The following FRZB variants were observed in gnomAD, a reference collection of about 807,000 sequenced individuals.
The protein encoded by FRZB is secreted frizzled-related protein 3.
FRZB carries 34 observed loss-of-function variants against 32.5 expected under a neutral mutation model. The ratio of observed to expected loss-of-function variants is 1.05; its 90% CI spans 0.80 to 1.39. The LOEUF is 1.39. FRZB is among the 40% of genes most tolerant of loss of function. The pLI, the probability that FRZB is intolerant of heterozygous loss-of-function variation, is 0.00. For missense variants in FRZB, 423 were observed against 424.8 expected, an observed-to-expected ratio of 1.00 and a Z score of 0.04; for synonymous variants, 170 against 159.2, an observed-to-expected ratio of 1.07 and a Z score of -0.51.
At chr2:182,843,726 G>A (rs1466275482) in intron 2 of FRZB, among the ~76,000 whole-genome samples, 2 of 152,184 alleles carry the variant, frequency 1.3e-5, no homozygotes, top group East Asian at 1.9e-4. Context: ...TAGCCCAGGA[G>A]TTCAAGACCA....
chr2:182,851,472 A>G (rs1695709472), intron 2 of FRZB, among the ~76,000 whole-genome samples: 1 of 152,216 alleles, frequency 6.6e-6, no homozygotes, highest in South Asian at 2.1e-4. Context: ...CCTGGCCAAC[A>G]TGGTGAAACC....
intron 1 of FRZB, among the ~76,000 whole-genome samples, chr2:182,860,527 A>G (rs1383322167): frequency 6.6e-6 from 1 of 152,054 alleles, no homozygotes; most frequent in East Asian, 1.9e-4. Context: ...ACCAAACAGC[A>G]TGTGATACCT....
In FRZB at chr2:182,838,550, A is replaced by C. The variant is rs1574982034; in HGVS notation, c.656T>G (p.Val219Gly). 1 of 1,612,814 alleles carries C rather than the reference A, an allele frequency of 6.2e-7. No individual in the cohort carries two copies. The highest frequency in any genetic ancestry group is 8.5e-7 in the Non-Finnish European group (1 of 1,179,194). The change falls in exon 4 of 6, where the codon GTG (valine) becomes GGG (glycine). Residue 219 changes from valine to glycine, a missense_variant. Val to Gly is a moderately radical substitution (Grantham distance 109, BLOSUM62 -3). Transcript: ENST00000295113. ...KCHDVTAVVE[V>G]KEILKSSLVN... ...CAGAGAGGACTTTAGAATCTCCTTC[A>C]CCTCCACTACTGCAGTCACATCATG...
rs1250799433 is a variant in FRZB at position 182,833,938 on chromosome 2, G to A, written c.*911C>T. ...TGTACTTTTAAAAACTAACCCTGGT[G>A]CACGTGCATACATAATCTTTTCCTG... On this transcript the variant is annotated 3_prime_UTR_variant, in exon 6 of 6. Transcript: ENST00000295113. 1 of 152,008 alleles carries A rather than the reference G, an allele frequency of 6.6e-6. No individual in the cohort carries two copies. The highest frequency in any genetic ancestry group is 6.6e-5 in the Admixed American group (1 of 15,252). The allele number at this position is 152,008 out of a possible 1,614,324, so 9.4% of individuals were successfully genotyped here.
intron 2 of FRZB, among the ~76,000 whole-genome samples, chr2:182,849,990 A>T (rs1273681273): frequency 6.6e-6 from 1 of 152,218 alleles, no homozygotes; most frequent in Non-Finnish European, 1.5e-5. Context: ...TGTCCACTCA[A>T]TGCCAAGTAT....
intron 2 of FRZB, among the ~76,000 whole-genome samples, chr2:182,855,343 G>T (rs1695756569): frequency 6.6e-6 from 1 of 152,162 alleles, no homozygotes; most frequent in South Asian, 2.1e-4. Context: ...ACAATTAGGT[G>T]ACACAGATGA....
At chr2:182,839,297 C>T (rs943409884) in intron 3 of FRZB, among the ~76,000 whole-genome samples, 1 of 151,970 alleles carries the variant, frequency 6.6e-6, no homozygotes, top group African/African-American at 2.4e-5. Context: ...GATATTAGGT[C>T]CTTTTTTCCT....
Position 182,866,382 on chromosome 2 carries a change from C to G in FRZB, c.171G>C (p.Leu57=), listed in dbSNP as rs749663583. Residue 57 remains leucine, a synonymous_variant, in exon 1 of 6, where the codon CTG becomes CTC. Transcript: ENST00000295113. The surrounding 1 kb of genome is among the most constrained non-coding windows in gnomAD (Gnocchi z 4.5). ...TGGCGTTGGCCTGAGTGCTGTGGTGCAGGTGGTTGGGCATCTTAGTCATGT... is the reference window on the plus strand; with the variant it reads ...TGGCGTTGGCCTGAGTGCTGTGGTGGAGGTGGTTGGGCATCTTAGTCATGT... ...PWNMTKMPNH[L]HHSTQANAIL... 4 of 1,612,986 alleles carry G rather than the reference C, an allele frequency of 2.5e-6. No homozygotes were observed. The highest frequency in any genetic ancestry group is 3.4e-6 in the Non-Finnish European group (4 of 1,179,162).
At chr2:182,864,899 G>A (rs1695873798) in intron 1 of FRZB, among the ~76,000 whole-genome samples, 1 of 152,064 alleles carries the variant, frequency 6.6e-6, no homozygotes, top group Non-Finnish European at 1.5e-5. Flanking sequence ...GTATGAAAGA[G>A]GACCACTCAT....
intron 2 of FRZB, among the ~76,000 whole-genome samples, chr2:182,851,695 T>G (rs559305183): frequency 9.2e-5 from 14 of 151,922 alleles, no homozygotes; most frequent in Admixed American, 2.6e-4. Context: ...AAAAAACAAC[T>G]TCAGTAATTA....
intron 2 of FRZB, among the ~76,000 whole-genome samples, chr2:182,850,266 G>A (rs73040079): frequency 0.055 from 8,410 of 152,190 alleles, 767 homozygotes; most frequent in African/African-American, 0.19. Flanking sequence ...AAATGTACAA[G>A]TAGATTATTG....
At position 182,866,042 on chromosome 2, in the gene FRZB, G is replaced by A; in HGVS notation, c.478+33C>T. On this transcript the variant is annotated intron_variant, in intron 1 of 5. Transcript: ENST00000295113. This position sits in a 1 kb window ranked among gnomAD's most constrained non-coding sequence, Gnocchi z 4.5. ...ACTCCAAGAATTGAGGAGGCTGTAG[G>A]GTAAGGGAAGGGTGGGCCGTGTCAA... is the stretch of plus-strand genomic sequence containing the variant. The A allele has an allele frequency of 6.5e-7, 1 of 1,534,836 alleles. No individual in the cohort carries two copies. The highest frequency in any genetic ancestry group is 1.2e-5 in the South Asian group (1 of 84,772).
chr2:182,853,349 T>C (rs552982676), intron 2 of FRZB, among the ~76,000 whole-genome samples: 1 of 152,320 alleles, frequency 6.6e-6, no homozygotes, highest in South Asian at 2.1e-4. Flanking sequence ...ACTCTAACCA[T>C]AACTTTGGAA....
rs199520134 is a variant in FRZB, at chr2:182,834,928, T to G, written c.899A>C (p.Lys300Thr). Residue 300 changes from lysine to threonine, a missense_variant, in exon 6 of 6, where the codon AAA becomes ACA. Transcript: ENST00000295113. ...DMKLRHLGLS[K>T]SDSSNSDSTQ... ...GGAATCACTATTGCTAGAATCACTT[T>G]TACTGAGTCCAAGATGACGAAGCTT... 6.2e-7 allele frequency: 1 copy of G among 1,613,404 alleles called. No individual in the cohort carries two copies. Among genetic ancestry groups the G allele is most frequent in the Non-Finnish European group, 8.5e-7 (1 of 1,179,562 alleles).
chr2:182,846,724 T>G (rs966508774), intron 2 of FRZB, among the ~76,000 whole-genome samples: 11 of 152,124 alleles, frequency 7.2e-5, no homozygotes, highest in African/African-American at 2.4e-4. Context: ...AAAATAAAAT[T>G]TTATAATTTG....
rs540484795 is a variant in FRZB at position 182,834,277 on chromosome 2, G to A, written c.*572C>T. On this transcript the variant is annotated 3_prime_UTR_variant, in exon 6 of 6. Transcript: ENST00000295113. ...TCAAAAATAATTCATCTTGGGTGTT[G>A]TTTCCTCATAAACACTTCCTGGTGC... is the stretch of plus-strand genomic sequence containing the variant. 6.6e-6 allele frequency: 1 copy of A among 152,240 alleles called. No individual in the cohort carries two copies. The highest frequency in any genetic ancestry group is 1.5e-5 in the Non-Finnish European group (1 of 68,114). 9.4% of individuals were successfully genotyped at this position (152,240 alleles called of 1,614,324 possible). A position where few individuals can be genotyped will look rare whatever the true frequency, so the allele number is the denominator to read the frequency against.
At chr2:182,837,795 A>G (rs746151157) in intron 5 of FRZB, among the ~76,000 whole-genome samples, 153 bp downstream of exon 5, 4 of 152,170 alleles carry the variant, frequency 2.6e-5, no homozygotes, top group Non-Finnish European at 5.9e-5. Context: ...TTAAAGACAA[A>G]TTCAGCTCTT....
chr2:182,846,946 C>A (rs1476644444), intron 2 of FRZB, among the ~76,000 whole-genome samples: 1 of 152,158 alleles, frequency 6.6e-6, no homozygotes, highest in Non-Finnish European at 1.5e-5. Flanking sequence ...ATCCATTCTT[C>A]TGTAAATATG....
intron 1 of FRZB, among the ~76,000 whole-genome samples, chr2:182,860,419 A>G (rs186761743): frequency 5.0e-4 from 76 of 152,310 alleles, no homozygotes; most frequent in Middle Eastern, 3.4e-3. Flanking sequence ...AAGAGAGACC[A>G]TTATCATCCT....
Sources: allele counts gnomAD v4.1 joint callset (sites outside exome capture counted in the v4.1 genomes callset), GRCh38; gene constraint gnomAD v4.1.1; non-coding constraint Gnocchi (gnomAD v3.1); transcripts MANE v1.5; gene names NCBI Gene and HGNC (gene_info 2026-07-23, HGNC 2026-07-21).